NALF1: variants seen among roughly 807,000 people sequenced by gnomAD.
NALF1 encodes the protein NALCN channel auxiliary factor 1.
In NALF1, 3 loss-of-function variants were observed where a neutral mutation model predicts 48.4. The observed-to-expected ratio is 0.06, with a 90% CI of 0.03 to 0.16. The LOEUF (loss-of-function observed/expected upper bound fraction) is 0.16. NALF1 is among the 10% of genes least tolerant of loss of function. The probability of loss-of-function intolerance (pLI) is 1.00; values close to 1 mark genes in which losing one functional copy is unlikely to be tolerated. For missense variants in NALF1, 526 were observed against 571.5 expected (o/e 0.92, Z 0.81); for synonymous variants, 262 against 245.7 (o/e 1.07, Z -0.62).
intron 1 of NALF1, among the ~76,000 whole-genome samples, chr13:107,739,923 C>T (rs913779124): frequency 6.6e-6 from 1 of 152,190 alleles, no homozygotes; most frequent in Non-Finnish European, 1.5e-5. Flanking sequence ...GATGATCTAT[C>T]ACTGTCTTCC....
chr13:107,682,558 A>G (rs1036653584), intron 1 of NALF1, among the ~76,000 whole-genome samples: 3 of 151,720 alleles, frequency 2.0e-5, no homozygotes, highest in African/African-American at 4.8e-5. Flanking sequence ...CTCCCACTCA[A>G]AATTAGGCTG....
chr13:107,767,643 G>A (rs1274534326), intron 1 of NALF1, among the ~76,000 whole-genome samples: 1 of 152,052 alleles, frequency 6.6e-6, no homozygotes, highest in Admixed American at 6.6e-5. Context: ...AAAAGTTATC[G>A]GTACGCTGCT....
At chr13:107,399,910 A>G (rs1883775968) in intron 1 of NALF1, among the ~76,000 whole-genome samples, 1 of 152,210 alleles carries the variant, frequency 6.6e-6, no homozygotes, top group African/African-American at 2.4e-5. Context: ...TTATTTACAT[A>G]AAATTATCTA....
chr13:107,615,604 C>T (rs1566416273), intron 1 of NALF1, among the ~76,000 whole-genome samples: 3 of 152,138 alleles, frequency 2.0e-5, no homozygotes, highest in Admixed American at 1.3e-4. Context: ...ATAGGCCAGC[C>T]ACTTCCTCTG....
chr13:107,411,088 A>G (rs1594048222), intron 1 of NALF1, among the ~76,000 whole-genome samples: 1 of 152,152 alleles, frequency 6.6e-6, no homozygotes, highest in Non-Finnish European at 1.5e-5. Context: ...CTTTAGCAGC[A>G]AGGTGGCATC....
At chr13:107,726,094 C>T (rs1876141466) in intron 1 of NALF1, among the ~76,000 whole-genome samples, 1 of 152,122 alleles carries the variant, frequency 6.6e-6, no homozygotes. Context: ...ATTTCTCTGT[C>T]ATCTAGGGCT....
At chr13:107,859,588 C>T (rs2138648753) in intron 1 of NALF1, among the ~76,000 whole-genome samples, 1 of 152,168 alleles carries the variant, frequency 6.6e-6, no homozygotes, top group South Asian at 2.1e-4. Flanking sequence ...TCATGTTAAC[C>T]ATCTCTCATT....
intron 1 of NALF1, among the ~76,000 whole-genome samples, chr13:107,248,055 A>T (rs1032587601): frequency 5.9e-5 from 9 of 152,174 alleles, no homozygotes; most frequent in African/African-American, 2.2e-4. Context: ...TGGGAAAGAA[A>T]GGTGTCCTAC....
At chr13:107,484,232 A>C (rs1189711792) in intron 1 of NALF1, among the ~76,000 whole-genome samples, 1 of 152,192 alleles carries the variant, frequency 6.6e-6, no homozygotes, top group African/African-American at 2.4e-5. Flanking sequence ...ATTCTAAAAA[A>C]AGTGAATTAT....
intron 1 of NALF1, among the ~76,000 whole-genome samples, chr13:107,817,502 T>A (rs866029974): frequency 1.3e-5 from 2 of 152,110 alleles, no homozygotes; most frequent in South Asian, 2.1e-4. Flanking sequence ...CTCTAGGGAG[T>A]GCCGGGATTT....
intron 1 of NALF1, among the ~76,000 whole-genome samples, chr13:107,611,381 G>A (rs1431193078): frequency 6.6e-6 from 1 of 152,222 alleles, no homozygotes; most frequent in Non-Finnish European, 1.5e-5. Context: ...GGATCTGGAA[G>A]AGAGATGTGC....
chr13:107,304,761 A>C (rs990257883), intron 1 of NALF1, among the ~76,000 whole-genome samples: 1 of 152,232 alleles, frequency 6.6e-6, no homozygotes, highest in South Asian at 2.1e-4. Context: ...TGGCAGTGAT[A>C]AGAATGTCAA....
rs1316076534 is a variant in NALF1, at chr13:107,865,947, T to C, written c.650A>G (p.Asn217Ser). The C allele has an allele frequency of 2.5e-6, 4 of 1,613,674 alleles. No individual in the cohort carries two copies. Among genetic ancestry groups the C allele is most frequent in the Non-Finnish European group, 3.4e-6 (4 of 1,179,990 alleles). ...VRSKHPTPLW[N>S]LSDFYLSFCN... ...AAACGAAAGGTAAAAATCCGACAAG[T>C]TCCAGAGCGGAGTGGGATGCTTGCT... Residue 217 changes from asparagine to serine, a missense_variant, in exon 1 of 3, where the codon AAC (asparagine) becomes AGC (serine). By Grantham distance (46) the Asn-to-Ser change is conservative. Coordinates refer to ENST00000375915, the MANE Select transcript of NALF1 (RefSeq NM_001080396.3).
intron 1 of NALF1, 143 bp downstream of exon 1, chr13:107,865,539 G>T (rs899713068): frequency 8.8e-7 from 1 of 1,137,714 alleles, no homozygotes; most frequent in Non-Finnish European, 1.2e-6. Context: ...ATCTCAAACA[G>T]CAAGCCAAGC....
At chr13:107,488,934 C>G (rs1465035689) in intron 1 of NALF1, among the ~76,000 whole-genome samples, 3 of 152,120 alleles carry the variant, frequency 2.0e-5, no homozygotes, top group Non-Finnish European at 4.4e-5. Flanking sequence ...TCTCAGGATA[C>G]AAAATTAACG....
At chr13:107,222,335 T>G (rs1880011946) in intron 1 of NALF1, among the ~76,000 whole-genome samples, 1 of 152,238 alleles carries the variant, frequency 6.6e-6, no homozygotes, top group Admixed American at 6.5e-5. Context: ...TTAATTGTAC[T>G]TGCTAAACAT....
chr13:107,463,053 G>A (rs1204766553), intron 1 of NALF1, among the ~76,000 whole-genome samples: 6 of 152,242 alleles, frequency 3.9e-5, no homozygotes, highest in East Asian at 1.9e-4. Flanking sequence ...TAGTTCCGAC[G>A]GATTGAGGGA....
At chr13:107,317,017 T>C (rs1594117506) in intron 1 of NALF1, among the ~76,000 whole-genome samples, 1 of 152,258 alleles carries the variant, frequency 6.6e-6, no homozygotes, top group East Asian at 1.9e-4. Flanking sequence ...AGATCTTTTC[T>C]AGGAAATGAG....
chr13:107,521,637 T>C (rs1176110215), intron 1 of NALF1, among the ~76,000 whole-genome samples: 2 of 152,170 alleles, frequency 1.3e-5, no homozygotes, highest in Non-Finnish European at 2.9e-5. Context: ...TGCTTTTGTC[T>C]TTTAATGGGG....
Sources: gnomAD v4.1 joint callset for allele counts (sites outside exome capture counted in the v4.1 genomes callset) on GRCh38, gnomAD v4.1.1 for gene constraint, MANE v1.5 for transcripts, NCBI Gene and HGNC (gene_info 2026-07-23, HGNC 2026-07-21) for gene names.